Variants in ANO9 observed in about 807,000 individuals in gnomAD.
The protein encoded by ANO9 is anoctamin-9.
ANO9 carries 80 observed loss-of-function variants against 100.5 expected under a neutral mutation model. That is an observed-to-expected ratio of 0.80 (90% CI 0.66 to 0.96). The LOEUF (loss-of-function observed/expected upper bound fraction) is 0.96. Among genes scored for constraint, ANO9 ranks in the 40% least tolerant of loss-of-function variants. The pLI, the probability that ANO9 is intolerant of heterozygous loss-of-function variation, is 0.00. For missense variants in ANO9, 1,064 were observed against 1,072.7 expected, an observed-to-expected ratio of 0.99 and a Z score of 0.11; for synonymous variants, 473 against 435.6, an observed-to-expected ratio of 1.09 and a Z score of -1.07.
intron 1 of ANO9, among the ~76,000 whole-genome samples, chr11:440,999 C>T (rs1489320411): frequency 6.6e-6 from 1 of 152,238 alleles, no homozygotes; most frequent in Admixed American, 6.5e-5. Flanking sequence ...CTCCTCTAAC[C>T]CCCAGCATGG....
chr11:436,707 A>T (rs1444710402), intron 1 of ANO9, among the ~76,000 whole-genome samples: 1 of 61,242 alleles, frequency 1.6e-5, no homozygotes, highest in Non-Finnish European at 3.3e-5. Context: ...GGGGGTAAGC[A>T]GGGGGTGAGC....
In ANO9 at chr11:431,710, G is replaced by A. The variant is rs1209534478; in HGVS notation, c.523C>T (p.Pro175Ser). 3 of 1,612,348 alleles carry A rather than the reference G, an allele frequency of 1.9e-6. No homozygotes were observed. The highest frequency in any genetic ancestry group is 2.5e-6 in the Non-Finnish European group (3 of 1,179,512). ...CAGCGTTACCTGATTTCATCAACTG[G>A]CTGCTCCCGGAACATGTGTCTCCAC... is the stretch of plus-strand genomic sequence containing the variant. ...ARWRHMFREQ[P>S]VDEIRNYFGE... The change falls in exon 7 of 23, where the codon CCA (proline) becomes TCA (serine). Residue 175 changes from proline to serine, a missense_variant. Transcript: ENST00000332826.
chr11:424,993 G>GT (rs1564910926), intron 15 of ANO9, among the ~76,000 whole-genome samples: 161 of 138,122 alleles, frequency 1.2e-3, no homozygotes, highest in African/African-American at 4.0e-3. Flanking sequence ...AAAAGGCGGC[G>GT]GGGAGACGGG....
At position 429,618 on chromosome 11, in the gene ANO9, G is replaced by T. The variant is rs141707817; in HGVS notation, c.867C>A (p.Arg289=). The T allele has an allele frequency of 6.2e-7, 1 of 1,612,492 alleles. No individual in the cohort carries two copies. Residue 289 remains arginine (R), a synonymous_variant, in exon 11 of 23, where the codon CGC becomes CGA. Transcript: ENST00000332826. ...TVFLEIWKRQ[R]ARVVLHWDLY... ...GGTCCCAGTGCAGGACCACGCGGGC[G>T]CGCTGCCGCTTCCAGATCTCCAGGA...
chr11:426,838 C>T (rs1848548104), intron 15 of ANO9, among the ~76,000 whole-genome samples: 1 of 152,170 alleles, frequency 6.6e-6, no homozygotes, highest in African/African-American at 2.4e-5. Flanking sequence ...ACAAAACCCC[C>T]TCAGGAGGAC....
At chr11:434,760 G>A (rs1172287105) in intron 1 of ANO9, among the ~76,000 whole-genome samples, 2 of 152,208 alleles carry the variant, frequency 1.3e-5, no homozygotes, top group African/African-American at 2.4e-5. Flanking sequence ...GGTGACGGGC[G>A]CAGGCACATC....
At chr11:435,678 AGTATG>A (rs1849455190) in intron 1 of ANO9, among the ~76,000 whole-genome samples, 1 of 122,398 alleles carries the variant, frequency 8.2e-6, no homozygotes, top group African/African-American at 3.1e-5. Flanking sequence ...AGTCTAGTCT[AGTATG>A]GTCTAGTCTA....
rs201028747 is a variant in ANO9, at chr11:433,316, C to T, written c.348G>A (p.Thr116=). The T allele has an allele frequency of 7.4e-5, 119 of 1,612,076 alleles. No homozygotes were observed. The highest frequency in any genetic ancestry group is 8.9e-5 in the Non-Finnish European group (105 of 1,179,500). ...LAAPTTIPVT[T]SLRIRIVNFV... is the part of the protein sequence containing the mutation. The stretch of plus-strand genomic sequence containing the variant: ...CGGCTCTGGGTGCAGCCTCTCACCT[C>T]GTGGTGACCGGGATGGTGGTCGGCG... Residue 116 remains threonine, a splice_region_variant and synonymous_variant, in exon 4 of 23, where the codon ACG becomes ACA. Transcript: ENST00000332826.
At chr11:427,004 G>A (rs372990940) in intron 15 of ANO9, among the ~76,000 whole-genome samples, 13 of 152,266 alleles carry the variant, frequency 8.5e-5, no homozygotes, top group South Asian at 2.1e-4. Flanking sequence ...GGGTTCACCC[G>A]CAGGAGCTTC....
intron 1 of ANO9, among the ~76,000 whole-genome samples, chr11:441,284 G>A (rs991976538): frequency 6.6e-6 from 1 of 152,202 alleles, no homozygotes; most frequent in Non-Finnish European, 1.5e-5. Context: ...CCTCTTCACT[G>A]GCAGAGGGGA....
At position 419,392 on chromosome 11, in the gene ANO9, C is replaced by T. The variant is rs577426197; in HGVS notation, c.1934+190G>A. 10 of 1,424,176 alleles carry T rather than the reference C, an allele frequency of 7.0e-6. No homozygotes were observed. The African/African-American group carries it at 1.4e-4, about 20-fold the overall frequency. The allele number at this position is 1,424,176 out of a possible 1,614,324, so 88.2% of individuals were successfully genotyped here. On this transcript the variant is annotated intron_variant, in intron 20 of 22. Transcript: ENST00000332826. ...CAACTGCGGTCCTGGCCAGTTATCC[C>T]TGACCTCCAGCCCAGGGCCTGCCGT...
intron 4 of ANO9, 105 bp downstream of exon 4, chr11:433,209 G>C: frequency 6.8e-7 from 1 of 1,468,808 alleles, no homozygotes; most frequent in African/African-American, 1.4e-5. Context: ...CGGCTGTCCT[G>C]CCTTGGCGAC....
Position 433,373 on chromosome 11 carries a change from AGG to A in ANO9, c.289_290del (p.Pro97Ter), listed in dbSNP as rs760904905. On this transcript the variant is annotated frameshift_variant, in exon 4 of 23. Coordinates refer to ENST00000332826, the MANE Select transcript of ANO9 (RefSeq NM_001012302.3). LOFTEE classifies it high-confidence loss of function. ...FGLYRTLLLEPEGPAPHAELA... is the reference protein window; with the variant it reads ...FGLYRTLLLEXEGPAPHAELA... ...GCTCGGCGTGGGGGGCAGGCCCCTC[AGG>A]CTCCAGGAGGAGAGTGCGGTACAGG... The A allele has an allele frequency of 8.7e-6, 14 of 1,612,986 alleles. No homozygotes were observed. The East Asian group carries it at 2.9e-4, about 33-fold the overall frequency.
At position 418,553 on chromosome 11, in the gene ANO9, A is replaced by C; in HGVS notation, c.2167T>G (p.Phe723Val). 1 of 1,613,064 alleles carries C rather than the reference A, an allele frequency of 6.2e-7. No individual in the cohort carries two copies. Among genetic ancestry groups the C allele is most frequent in the Non-Finnish European group, 8.5e-7 (1 of 1,180,002 alleles). Residue 723 changes from phenylalanine (F) to valine (V), a missense_variant, in exon 23 of 23, where the codon TTC (phenylalanine) becomes GTC (valine). Transcript: ENST00000332826. ...ACCGACTGAGGGATGTCGGGCACGAACCAGGCGGCGATGAGCTTGATGCAC... is the reference window on the plus strand; with the variant it reads ...ACCGACTGAGGGATGTCGGGCACGACCCAGGCGGCGATGAGCTTGATGCAC... ...ALCIKLIAAW[F>V]VPDIPQSVKN... is the part of the protein sequence containing the mutation.
chr11:431,567 G>T (rs1590480104), intron 7 of ANO9, 127 bp downstream of exon 7: 1 of 506,886 alleles, frequency 2.0e-6, no homozygotes, highest in Non-Finnish European at 3.2e-6. Flanking sequence ...GTCTGCGGGG[G>T]TGTGGGGGCT....
intron 3 of ANO9, 91 bp from the exon 4 acceptor site, chr11:433,550 C>G: frequency 6.7e-7 from 1 of 1,490,692 alleles, no homozygotes; most frequent in South Asian, 1.2e-5. Flanking sequence ...CACCTCAGAA[C>G]CCTCCCCCCT....
chr11:431,739 G>A lies in ANO9; in HGVS notation c.494C>T (p.Ala165Val), dbSNP rs751644925. ...CTCCCGGAACATGTGTCTCCACCGC[G>A]CCCACGTCTTCTTCAGGCGTCCCTC... ...KGEGRLKKTW[A>V]RWRHMFREQP... is the part of the protein sequence containing the mutation. The change falls in exon 7 of 23, where the codon GCG becomes GTG. Residue 165 changes from alanine to valine, a missense_variant. Physicochemically the swap from Ala to Val is moderately conservative, Grantham distance 64. Transcript: ENST00000332826. 15 of 1,612,518 alleles carry A rather than the reference G, an allele frequency of 9.3e-6. No homozygotes were observed. The highest frequency in any genetic ancestry group is 3.3e-5 in the South Asian group (3 of 91,088).
Position 433,957 on chromosome 11 carries a change from G to A in ANO9, c.82-20C>T. The stretch of plus-strand genomic sequence containing the variant: ...CTCGGTCTGCAGGGAGGAGGCATGG[G>A]GCCAGGCGCAGGTGAAGGGGCAGAG... On this transcript the variant is annotated intron_variant, in intron 2 of 22. Transcript: ENST00000332826. 1.3e-6 allele frequency: 2 copies of A among 1,555,950 alleles called. No homozygotes were observed. Among genetic ancestry groups the A allele is most frequent in the Non-Finnish European group, 1.7e-6 (2 of 1,149,384 alleles).
At chr11:426,690 G>C (rs929612611) in intron 15 of ANO9, among the ~76,000 whole-genome samples, 4 of 152,158 alleles carry the variant, frequency 2.6e-5, no homozygotes, top group Admixed American at 2.0e-4. Flanking sequence ...CAGGCTTTCG[G>C]GGGAGACACT....
Sources: allele counts gnomAD v4.1 joint callset (sites outside exome capture counted in the v4.1 genomes callset), GRCh38; gene constraint gnomAD v4.1.1; transcripts MANE v1.5; gene names NCBI Gene and HGNC (gene_info 2026-07-23, HGNC 2026-07-21).